The following SLCO1A2 variants were observed in gnomAD, a reference collection of about 807,000 sequenced individuals.
SLCO1A2 encodes the protein solute carrier organic anion transporter family member 1A2.
In SLCO1A2, 67 loss-of-function variants were observed where a neutral mutation model predicts 69.0. The ratio of observed to expected loss-of-function variants is 0.97; its 90% CI spans 0.80 to 1.19. SLCO1A2 has a LOEUF of 1.19. Ranked by LOEUF, SLCO1A2 falls within the 50% of genes most tolerant of loss-of-function variation. The pLI is 0.00. For missense variants in SLCO1A2, 787 were observed against 793.7 expected (o/e 0.99, Z 0.10); for synonymous variants, 260 against 265.9 (o/e 0.98, Z 0.22).
At chr12:21,344,007 G>A (rs931216365) in intron 2 of SLCO1A2, among the ~76,000 whole-genome samples, 1 of 152,116 alleles carries the variant, frequency 6.6e-6, no homozygotes, top group Non-Finnish European at 1.5e-5. Context: ...CCTTTTGCCT[G>A]ATAAATAGTG....
intron 2 of SLCO1A2, among the ~76,000 whole-genome samples, chr12:21,332,249 A>G (rs1024954833): frequency 6.6e-6 from 1 of 152,166 alleles, no homozygotes; most frequent in South Asian, 2.1e-4. Context: ...GAAGGTCAAG[A>G]TAACTCAAAG....
chr12:21,416,794 G>C (rs1459712114), intron 1 of SLCO1A2, among the ~76,000 whole-genome samples: 2 of 151,992 alleles, frequency 1.3e-5, no homozygotes, highest in Non-Finnish European at 2.9e-5. Context: ...ATACATCATT[G>C]AATTCAGGAA....
intron 12 of SLCO1A2, among the ~76,000 whole-genome samples, chr12:21,284,256 GA>G (rs1173658152): frequency 1.3e-5 from 2 of 152,108 alleles, no homozygotes; most frequent in Admixed American, 1.3e-4. Context: ...GAATGAGGGG[GA>G]GGAGCCAAGA....
At chr12:21,317,305 T>G (rs1175825563) in intron 3 of SLCO1A2, among the ~76,000 whole-genome samples, 1 of 152,220 alleles carries the variant, frequency 6.6e-6, no homozygotes, top group South Asian at 2.1e-4. Context: ...CCTTTCCAAC[T>G]TTATCTTGGC....
intron 4 of SLCO1A2, among the ~76,000 whole-genome samples, chr12:21,309,792 G>A (rs1419651760): frequency 6.6e-6 from 1 of 152,228 alleles, no homozygotes; most frequent in Non-Finnish European, 1.5e-5. Context: ...AAATTCTCAA[G>A]GATAATAATG....
intron 14 of SLCO1A2, among the ~76,000 whole-genome samples, chr12:21,269,984 T>G (rs888166447): frequency 3.3e-5 from 5 of 151,378 alleles, no homozygotes; most frequent in Non-Finnish European, 7.4e-5. Flanking sequence ...AATCCAAATT[T>G]ATTTTCATCT....
At chr12:21,274,958 G>A in intron 13 of SLCO1A2, 4 of 1,029,512 alleles carry the variant, frequency 3.9e-6, no homozygotes, top group Non-Finnish European at 4.7e-6. Context: ...GGTCAGACAG[G>A]GCCTTTTCAA....
chr12:21,329,247 A>T (rs1359000759), intron 2 of SLCO1A2, among the ~76,000 whole-genome samples: 2 of 152,160 alleles, frequency 1.3e-5, no homozygotes, highest in African/African-American at 4.8e-5. Context: ...ACTTTGCATT[A>T]TACCCTCTGG....
At chr12:21,382,965 C>A (rs1236820804) in intron 1 of SLCO1A2, among the ~76,000 whole-genome samples, 1 of 152,056 alleles carries the variant, frequency 6.6e-6, no homozygotes, top group East Asian at 1.9e-4. Context: ...TTTTCTTTTA[C>A]TCCCACTTTG....
rs886124924 is a variant in SLCO1A2, at chr12:21,292,132, A to G, written c.1610+32T>C. 9 of 1,479,898 alleles carry G rather than the reference A, an allele frequency of 6.1e-6. No individual in the cohort carries two copies. The African/African-American group carries it at 7.1e-5, about 12-fold the overall frequency. The allele number at this position is 1,479,898 out of a possible 1,614,324, so 91.7% of individuals were successfully genotyped here. A position where few individuals can be genotyped will look rare whatever the true frequency, so the allele number is the denominator to read the frequency against. ...CAAGCTACCTTAATAAATGACCCCA[A>G]AAAAATATAAATAAAGAAAATAATT... On this transcript the variant is annotated intron_variant, in intron 12 of 14. Transcript: ENST00000683939.
intron 12 of SLCO1A2, among the ~76,000 whole-genome samples, chr12:21,277,104 G>A (rs1036863544): frequency 1.3e-5 from 2 of 152,170 alleles, no homozygotes; most frequent in African/African-American, 2.4e-5. Context: ...CCAAGCCCAG[G>A]CAGCACAGCT....
intron 2 of SLCO1A2, among the ~76,000 whole-genome samples, chr12:21,358,973 C>T (rs1938595758): frequency 6.6e-6 from 1 of 151,998 alleles, no homozygotes; most frequent in South Asian, 2.1e-4. Flanking sequence ...TGGAAGGTGG[C>T]AAAAGACTGA....
chr12:21,297,251 CTTTCTTTCTTTCTT>C (rs1947872313), intron 9 of SLCO1A2, among the ~76,000 whole-genome samples, 139 bp downstream of exon 9: 1 of 146,388 alleles, frequency 6.8e-6, no homozygotes, highest in Admixed American at 6.8e-5. Context: ...CTTTCTTTCT[CTTTCTTTCTTTCTT>C]TCTTGAGATT....
At chr12:21,387,611 T>A (rs529106250) in intron 1 of SLCO1A2, among the ~76,000 whole-genome samples, 1 of 152,330 alleles carries the variant, frequency 6.6e-6, no homozygotes, top group South Asian at 2.1e-4. Flanking sequence ...TTTCAGAAGA[T>A]GTGTGGAAAC....
chr12:21,282,781 T>TG (rs1945042701), intron 12 of SLCO1A2, among the ~76,000 whole-genome samples: 1 of 152,100 alleles, frequency 6.6e-6, no homozygotes, highest in Admixed American at 6.6e-5. Flanking sequence ...CAGTAGTGTT[T>TG]GTATATGCCA....
At chr12:21,278,537 G>T (rs1267190311) in intron 12 of SLCO1A2, among the ~76,000 whole-genome samples, 1 of 152,146 alleles carries the variant, frequency 6.6e-6, no homozygotes. Flanking sequence ...ACTTAGCACA[G>T]AGAGACTCCA....
chr12:21,405,795 A>C (rs1483658962), intron 1 of SLCO1A2, among the ~76,000 whole-genome samples: 1 of 152,208 alleles, frequency 6.6e-6, no homozygotes, highest in Non-Finnish European at 1.5e-5. Flanking sequence ...TTGATATTTT[A>C]AAGGGAGAAA....
At chr12:21,378,649 T>C (rs1000234453) in intron 1 of SLCO1A2, 4 of 483,168 alleles carry the variant, frequency 8.3e-6, no homozygotes, top group East Asian at 6.4e-5. Flanking sequence ...TATAGATTTG[T>C]ATTTTAAAAC....
upstream of SLCO1A2, among the ~76,000 whole-genome samples, chr12:21,339,774 C>T (rs1318238517): frequency 2.0e-5 from 3 of 151,890 alleles, no homozygotes; most frequent in Non-Finnish European, 2.9e-5. Flanking sequence ...ACCCCAGTCT[C>T]ACACCAGTAC....
Sources: allele counts gnomAD v4.1 joint callset (sites outside exome capture counted in the v4.1 genomes callset), GRCh38; gene constraint gnomAD v4.1.1; transcripts MANE v1.5; gene names NCBI Gene and HGNC (gene_info 2026-07-23, HGNC 2026-07-21).